The following ZFHX3 variants were observed in gnomAD, a reference collection of about 807,000 sequenced individuals.
ZFHX3 encodes the protein zinc finger homeobox protein 3.
ZFHX3 carries 42 observed loss-of-function variants against 279.1 expected under a neutral mutation model. The observed-to-expected ratio is 0.15, with a 90% confidence interval of 0.12 to 0.19. The LOEUF (loss-of-function observed/expected upper bound fraction) is 0.19, where lower values mean the gene tolerates loss of function less well. Among genes scored for constraint, ZFHX3 ranks in the 10% least tolerant of loss-of-function variants. The pLI, the probability that ZFHX3 is intolerant of heterozygous loss-of-function variation, is 1.00. For synonymous variants in ZFHX3, 2,293 were observed against 1,957.8 expected, an observed-to-expected ratio of 1.17 and a Z score of -4.52; for missense variants, 4,981 against 4,754.0, an observed-to-expected ratio of 1.05 and a Z score of -1.40.
chr16:73,716,142 G>T (rs1044975971), intron 1 of ZFHX3, among the ~76,000 whole-genome samples: 6 of 151,940 alleles, frequency 3.9e-5, no homozygotes, highest in Non-Finnish European at 7.4e-5. Context: ...TGGCCCACAA[G>T]AACCATCATT....
chr16:73,441,961 G>A (rs114392078), intron 3 of ZFHX3, among the ~76,000 whole-genome samples: 63 of 152,276 alleles, frequency 4.1e-4, no homozygotes, highest in African/African-American at 1.4e-3. Context: ...CATCGTGTGC[G>A]GATGAGAATT....
In ZFHX3 at chr16:72,927,031, T is replaced by C. The variant is rs565521162; in HGVS notation, c.3216+23438A>G. ...AGGAGAGTCCCAGCATAGGGGCTTC[T>C]CAGCTGTTCTCACTTGAAATTACCT... On this transcript the variant is annotated intron_variant, in intron 3 of 9. Transcript: ENST00000268489. 8.5e-5 allele frequency among the ~76,000 whole-genome samples: 13 copies of C among 152,336 alleles called. No individual in the cohort carries two copies. The South Asian group carries it at 2.5e-3, about 29-fold the overall frequency.
intron 3 of ZFHX3, among the ~76,000 whole-genome samples, chr16:73,332,789 A>G (rs1597288227): frequency 6.6e-6 from 1 of 152,226 alleles, no homozygotes; most frequent in South Asian, 2.1e-4. Flanking sequence ...AAGGTAGTCA[A>G]TGAACGTACT....
At chr16:72,970,173 G>T (rs1962040748) in intron 1 of ZFHX3, among the ~76,000 whole-genome samples, 1 of 151,850 alleles carries the variant, frequency 6.6e-6, no homozygotes, top group Admixed American at 6.6e-5. Context: ...GCAGGTCTAG[G>T]AACCCAGTCT....
intron 1 of ZFHX3, among the ~76,000 whole-genome samples, chr16:73,755,072 G>A (rs946496762): frequency 1.3e-5 from 2 of 152,198 alleles, no homozygotes; most frequent in African/African-American, 4.8e-5. Flanking sequence ...AGTTCAGGGA[G>A]TTCCAGTGTG....
At chr16:72,991,693 G>A (rs1274739835) in intron 1 of ZFHX3, among the ~76,000 whole-genome samples, 1 of 152,148 alleles carries the variant, frequency 6.6e-6, no homozygotes, top group Non-Finnish European at 1.5e-5. Flanking sequence ...TCTCACTTTT[G>A]AGGCTCAGAG....
chr16:73,377,794 G>A (rs906026662), intron 3 of ZFHX3, among the ~76,000 whole-genome samples: 6 of 151,468 alleles, frequency 4.0e-5, no homozygotes, highest in Non-Finnish European at 7.4e-5. Flanking sequence ...AGCACTTTGG[G>A]AGGCTGAGGC....
At chr16:73,868,594 C>G (rs1207475133) in intron 1 of ZFHX3, among the ~76,000 whole-genome samples, 1 of 152,156 alleles carries the variant, frequency 6.6e-6, no homozygotes, top group Non-Finnish European at 1.5e-5. Flanking sequence ...CTCTGTCCCC[C>G]TCTGAAAGTT....
intron 8 of ZFHX3, among the ~76,000 whole-genome samples, chr16:73,078,176 T>C (rs1231618210): frequency 2.0e-5 from 3 of 152,198 alleles, no homozygotes; most frequent in Admixed American, 2.0e-4. Flanking sequence ...AGAAAAAGTA[T>C]GAAAAACCTC....
At chr16:73,487,520 C>A in intron 2 of ZFHX3, 1 of 380,578 alleles carries the variant, frequency 2.6e-6, no homozygotes, top group Non-Finnish European at 5.1e-6. Flanking sequence ...CCCACCTCAG[C>A]CTTCTGAGTA....
chr16:73,171,254 G>A (rs1488166103), intron 5 of ZFHX3, among the ~76,000 whole-genome samples: 2 of 152,096 alleles, frequency 1.3e-5, no homozygotes, highest in African/African-American at 4.8e-5. Flanking sequence ...AGAGTGAAAA[G>A]AAGTGCTATT....
chr16:73,444,396 C>T lies in ZFHX3; in HGVS notation c.-1291+11607G>A, dbSNP rs368335016. On this transcript the variant is annotated intron_variant, in intron 3 of 17. Coordinates refer to the ZFHX3 transcript ENST00000641206. ...TATCTAAAATGACCATTTTTCTCTA[C>T]CATTTCTCTCTACCTTATTCAATGA... Among the ~76,000 whole-genome samples the T allele has an allele frequency of 2.0e-5, 3 of 152,262 alleles. No individual in the cohort carries two copies. The East Asian group carries it at 5.8e-4, about 29-fold the overall frequency.
intron 1 of ZFHX3, among the ~76,000 whole-genome samples, chr16:73,841,201 A>G (rs1961297624): frequency 6.6e-6 from 1 of 152,192 alleles, no homozygotes; most frequent in Non-Finnish European, 1.5e-5. Context: ...GCAGAGTCAA[A>G]TTGGAGAACA....
chr16:73,702,818 G>A (rs2142218259), intron 1 of ZFHX3, among the ~76,000 whole-genome samples: 2 of 152,328 alleles, frequency 1.3e-5, no homozygotes, highest in South Asian at 4.1e-4. Flanking sequence ...TTGAGATCAT[G>A]TATCTAAGAG....
chr16:73,805,551 GCA>G (rs1175342602), intron 1 of ZFHX3, among the ~76,000 whole-genome samples: 1 of 152,194 alleles, frequency 6.6e-6, no homozygotes, highest in African/African-American at 2.4e-5. Flanking sequence ...TTTCATCTTT[GCA>G]CATTGTAGAT....
chr16:73,728,114 A>C (rs1220457328), intron 1 of ZFHX3, among the ~76,000 whole-genome samples: 1 of 146,556 alleles, frequency 6.8e-6, no homozygotes, highest in Non-Finnish European at 1.5e-5. Flanking sequence ...AGAGGTAATT[A>C]AGTTAAATGA....
At chr16:73,385,945 G>A (rs2016894081) in intron 3 of ZFHX3, among the ~76,000 whole-genome samples, 1 of 151,960 alleles carries the variant, frequency 6.6e-6, no homozygotes, top group South Asian at 2.1e-4. Context: ...CTCATGCCCC[G>A]AACCCCAGTG....
chr16:73,779,684 C>T (rs1044073777), intron 1 of ZFHX3, among the ~76,000 whole-genome samples: 1 of 152,162 alleles, frequency 6.6e-6, no homozygotes, highest in Non-Finnish European at 1.5e-5. Flanking sequence ...TCCCGTTGTA[C>T]AACAACAAAG....
chr16:73,199,396 T>C (rs1364026878), intron 5 of ZFHX3, among the ~76,000 whole-genome samples: 1 of 152,218 alleles, frequency 6.6e-6, no homozygotes, highest in African/African-American at 2.4e-5. Context: ...CCCATGAAAG[T>C]GACTCTGCTG....
Sources: gnomAD v4.1 joint callset for allele counts (sites outside exome capture counted in the v4.1 genomes callset) on GRCh38, gnomAD v4.1.1 for gene constraint, MANE v1.5 for transcripts, NCBI Gene and HGNC (gene_info 2026-07-23, HGNC 2026-07-21) for gene names.